Variants in PDE11A observed in about 807,000 individuals in gnomAD.
PDE11A encodes phosphodiesterase 11A, also known as dual 3',5'-cyclic-AMP and -GMP phosphodiesterase 11A.
Under a neutral mutation model 100.5 loss-of-function variants are expected in PDE11A, and 100 were observed. The ratio of observed to expected loss-of-function variants is 1.00; its 90% CI spans 0.85 to 1.18. PDE11A has a LOEUF of 1.18. Ranked by LOEUF, PDE11A falls within the 50% of genes most tolerant of loss-of-function variation. The pLI is 0.00. For synonymous variants in PDE11A, 381 were observed against 420.8 expected, an observed-to-expected ratio of 0.91 and a Z score of 1.16; for missense variants, 1,141 against 1,152.6, an observed-to-expected ratio of 0.99 and a Z score of 0.15.
At chr2:178,016,131 A>ATTTTTTTTTTTTTTTTTTTTTTT (rs55638601) in intron 1 of PDE11A, among the ~76,000 whole-genome samples, 2 of 83,744 alleles carry the variant, frequency 2.4e-5, no homozygotes, top group Non-Finnish European at 4.2e-5. Flanking sequence ...TGCCTGGCTA[A>ATTTTTTTTTTTTTTTTTTTTTTT]TTTTTTTTTT....
At chr2:177,688,055 A>T (rs2080981109) in intron 15 of PDE11A, 1 of 152,142 alleles carries the variant, frequency 6.6e-6, no homozygotes, top group South Asian at 2.1e-4. Flanking sequence ...CTGCCCTCTG[A>T]GATAATCTTT....
Position 177,643,673 on chromosome 2 carries a change from T to C in PDE11A, c.2647-14111A>G, listed in dbSNP as rs186773462. Among the ~76,000 whole-genome samples, 15 of 152,292 alleles carry C rather than the reference T, an allele frequency of 9.8e-5. No homozygotes were observed. In the East Asian group the frequency reaches 2.9e-3, roughly 29 times the overall value. ...TAAGTAATGAGGAGCTGAAAGTTAATCCCCAAGACAATGGGGAAAATGTCT... is the reference window on the plus strand; with the variant it reads ...TAAGTAATGAGGAGCTGAAAGTTAACCCCCAAGACAATGGGGAAAATGTCT... On this transcript the variant is annotated intron_variant, in intron 19 of 19. Transcript: ENST00000286063.
At chr2:178,053,101 T>C (rs1475715939) in intron 1 of PDE11A, among the ~76,000 whole-genome samples, 1 of 152,120 alleles carries the variant, frequency 6.6e-6, no homozygotes, top group Non-Finnish European at 1.5e-5. Context: ...TGAACATCGA[T>C]GTAAAAATCC....
chr2:177,681,999 C>A (rs2080872736), intron 15 of PDE11A, among the ~76,000 whole-genome samples: 2 of 152,146 alleles, frequency 1.3e-5, no homozygotes, highest in African/African-American at 4.8e-5. Flanking sequence ...GGTCCTTTTC[C>A]TAATCCAGGG....
rs142110524 is a variant in PDE11A, at chr2:177,629,480, T to C, written c.2729A>G (p.Gln910Arg). The change falls in exon 20 of 20, where the codon CAA becomes CGA. Residue 910 changes from glutamine to arginine, a missense_variant. Coordinates refer to ENST00000286063, the MANE Select transcript of PDE11A (RefSeq NM_016953.4). Reference protein sequence around the residue: ...TNRSKWEELHQKRLLASTASS... With the variant: ...TNRSKWEELHRKRLLASTASS... ...GGCAGTTGAGGCCAGCAGTCGTTTTTGGTGTAGCTCTTCCCACTTACTTCT... is the reference window on the plus strand; with the variant it reads ...GGCAGTTGAGGCCAGCAGTCGTTTTCGGTGTAGCTCTTCCCACTTACTTCT... The C allele has an allele frequency of 4.3e-6, 7 of 1,613,860 alleles. No homozygotes were observed. In the African/African-American group the frequency reaches 8.0e-5, roughly 18 times the overall value.
At chr2:178,072,848 G>A (rs1330546398), upstream of PDE11A, 2 of 1,161,190 alleles carry the variant, frequency 1.7e-6, no homozygotes, top group Non-Finnish European at 2.1e-6. Context: ...AGCCTGGAGG[G>A]AGGAGAGAAG....
intron 1 of PDE11A, among the ~76,000 whole-genome samples, chr2:178,065,434 T>A (rs1376257784): frequency 3.9e-5 from 6 of 152,140 alleles, no homozygotes; most frequent in African/African-American, 1.4e-4. Flanking sequence ...GGGAAAAAAA[T>A]TTAGTTAACC....
rs547570414 is a variant in PDE11A, at chr2:177,664,893, TG to T, written c.2563-945del. On this transcript the variant is annotated intron_variant, in intron 18 of 19. Transcript: ENST00000286063. ...TTGGTGTCCTTATAGGCCATGAGGG[TG>T]GAGCCAAGCAATCCCTTTGGTCCAG... Among the ~76,000 whole-genome samples, 288 of 152,220 alleles carry T rather than the reference TG, an allele frequency of 1.9e-3. 2 individuals are homozygous for T. The highest frequency in any genetic ancestry group is 6.0e-3 in the African/African-American group (249 of 41,542).
chr2:177,717,963 T>C (rs1284076151), intron 12 of PDE11A, among the ~76,000 whole-genome samples: 1 of 152,194 alleles, frequency 6.6e-6, no homozygotes, highest in Non-Finnish European at 1.5e-5. Context: ...ACTGTTACTT[T>C]GTGACTCTGT....
At chr2:178,090,947 G>A (rs948493336) in intron 2 of PDE11A, among the ~76,000 whole-genome samples, 2 of 152,212 alleles carry the variant, frequency 1.3e-5, no homozygotes, top group East Asian at 1.9e-4. Flanking sequence ...GATGCATTAA[G>A]AGTAAGCCTG....
At position 177,703,173 on chromosome 2, in the gene PDE11A, G is replaced by A. The variant is rs186011466; in HGVS notation, c.2154-1962C>T. Among the ~76,000 whole-genome samples, 5 of 152,222 alleles carry A rather than the reference G, an allele frequency of 3.3e-5. No homozygotes were observed. In the East Asian group the frequency reaches 9.6e-4, roughly 29 times the overall value. On this transcript the variant is annotated intron_variant, in intron 13 of 19. Transcript: ENST00000286063. ...GTTCAAGTTGGGAGGTTGATAATAA[G>A]TGTGTTAGCATATTTTATAATACTA...
At chr2:177,688,136 C>T (rs773159199) in intron 15 of PDE11A, 10 of 152,226 alleles carry the variant, frequency 6.6e-5, no homozygotes, top group Non-Finnish European at 1.3e-4. Flanking sequence ...ACAGTGGGGC[C>T]AGCAGCCCTC....
At chr2:177,998,525 T>A (rs2086104855) in intron 2 of PDE11A, 1 of 1,385,084 alleles carries the variant, frequency 7.2e-7, no homozygotes, top group Admixed American at 1.7e-5. Context: ...GTTCTTTAAT[T>A]GCTTGACGTC....
Position 177,701,165 on chromosome 2 carries a change from C to T in PDE11A, c.2200G>A (p.Glu734Lys), listed in dbSNP as rs1371149852. ...ACGGCGTGGTTGAAATGGTGATGCT[C>T]CAAGGTAGCAGAGGTTCCATAGAGT... Reference protein sequence around the residue: ...AQLYGTSATLEHHHFNHAVMI... With the variant: ...AQLYGTSATLKHHHFNHAVMI... Residue 734 changes from glutamate (E) to lysine (K), a missense_variant, in exon 14 of 20, where the codon GAG becomes AAG. Coordinates refer to ENST00000286063, the MANE Select transcript of PDE11A (RefSeq NM_016953.4). The T allele has an allele frequency of 1.2e-6, 2 of 1,608,892 alleles. No individual in the cohort carries two copies. Among genetic ancestry groups the T allele is most frequent in the Non-Finnish European group, 8.5e-7 (1 of 1,175,462 alleles).
intron 2 of PDE11A, among the ~76,000 whole-genome samples, chr2:178,010,098 T>C (rs1024678241): frequency 2.6e-5 from 4 of 152,198 alleles, no homozygotes; most frequent in Non-Finnish European, 5.9e-5. Flanking sequence ...TTTACATCTA[T>C]TATCTATTTT....
chr2:177,813,773 G>A (rs2082989692), intron 9 of PDE11A, among the ~76,000 whole-genome samples: 1 of 151,876 alleles, frequency 6.6e-6, no homozygotes, highest in South Asian at 2.1e-4. Flanking sequence ...AGATTCTAGG[G>A]TGGTTTTTGT....
intron 9 of PDE11A, among the ~76,000 whole-genome samples, chr2:177,812,576 C>T (rs997605458): frequency 2.0e-5 from 3 of 152,004 alleles, no homozygotes; most frequent in Non-Finnish European, 4.4e-5. Context: ...TCAACTTGTT[C>T]AAGCAGGCAG....
chr2:178,093,438 G>GCCT (rs1408127127), intron 2 of PDE11A, among the ~76,000 whole-genome samples: 7 of 150,494 alleles, frequency 4.7e-5, no homozygotes, highest in Non-Finnish European at 5.9e-5. Context: ...ATACCAAGCT[G>GCCT]CCTCTATCCA....
upstream of PDE11A, among the ~76,000 whole-genome samples, chr2:178,076,585 C>G (rs538006289): frequency 1.3e-5 from 2 of 152,286 alleles, no homozygotes; most frequent in East Asian, 3.9e-4. Flanking sequence ...TGGTATTAAC[C>G]TCTTAAAGCC....
Sources: allele counts gnomAD v4.1 joint callset (sites outside exome capture counted in the v4.1 genomes callset), GRCh38; gene constraint gnomAD v4.1.1; transcripts MANE v1.5; gene names NCBI Gene and HGNC (gene_info 2026-07-23, HGNC 2026-07-21).